Variants in DOCK9 observed in about 807,000 individuals in gnomAD.
DOCK9 encodes the protein dedicator of cytokinesis protein 9.
In DOCK9, 89 loss-of-function variants were observed where a neutral mutation model predicts 263.3. The observed-to-expected ratio is 0.34, with a 90% confidence interval of 0.28 to 0.40. The LOEUF (loss-of-function observed/expected upper bound fraction) is 0.40. Among genes scored for constraint, DOCK9 ranks in the 10% least tolerant of loss-of-function variants. The pLI, the probability that DOCK9 is intolerant of heterozygous loss-of-function variation, is 1.00. For missense variants in DOCK9, 2,140 were observed against 2,603.4 expected (o/e 0.82, Z 3.87); for synonymous variants, 976 against 973.1 (o/e 1.00, Z -0.06).
chr13:99,008,212 CTATATA>C (rs1161970142), intron 1 of DOCK9, among the ~76,000 whole-genome samples: 5 of 79,166 alleles, frequency 6.3e-5, no homozygotes, highest in South Asian at 9.7e-4. Flanking sequence ...CTCTCTCTCT[CTATATA>C]TATATATATA....
At chr13:98,848,464 C>T in intron 37 of DOCK9, 128 bp downstream of exon 37, 1 of 914,438 alleles carries the variant, frequency 1.1e-6, no homozygotes. Context: ...ATCCAAGGGC[C>T]TGCCATCAGT....
intron 1 of DOCK9, among the ~76,000 whole-genome samples, chr13:99,044,768 C>T (rs1476439981): frequency 6.6e-6 from 1 of 152,188 alleles, no homozygotes; most frequent in Admixed American, 6.5e-5. Context: ...AACTATAATA[C>T]AGTGCTTAAA....
Position 99,034,647 on chromosome 13 carries a change from G to A in DOCK9, c.129+51576C>T, listed in dbSNP as rs140893932. Among the ~76,000 whole-genome samples, 46 of 152,312 alleles carry A rather than the reference G, an allele frequency of 3.0e-4. 1 individual carries two copies. In the East Asian group the frequency reaches 7.7e-3, roughly 26 times the overall value. ...TTCCTGAAACACCGCAGCACTCAACGAACAGCAGAGACAGATAGGTGGACC... is the reference window on the plus strand; with the variant it reads ...TTCCTGAAACACCGCAGCACTCAACAAACAGCAGAGACAGATAGGTGGACC... On this transcript the variant is annotated intron_variant, in intron 1 of 32. Coordinates refer to the DOCK9 transcript ENST00000427887.
chr13:98,915,325 C>T lies in DOCK9; in HGVS notation c.892+4G>A, dbSNP rs1279305155. 6.2e-7 allele frequency: 1 copy of T among 1,612,752 alleles called. No individual in the cohort carries two copies. On this transcript the variant is annotated splice_donor_region_variant and intron_variant, in intron 8 of 52. Coordinates refer to ENST00000682017, the MANE Select transcript of DOCK9 (RefSeq NM_001366683.2). ...TGTGCCTGGGGGAAGCCAAGCCTAT[C>T]TACCTTCGTGAGAGTCGCCATTTCG...
At chr13:99,044,463 A>G (rs952712635) in intron 1 of DOCK9, among the ~76,000 whole-genome samples, 11 of 152,164 alleles carry the variant, frequency 7.2e-5, no homozygotes, top group African/African-American at 1.9e-4. Context: ...GATGTCTGCC[A>G]CCTGGCTGAG....
In DOCK9 at chr13:98,881,611, C is replaced by G. The variant is rs1325680950; in HGVS notation, c.2692G>C (p.Val898Leu). ...VNVTRVIIHVVAQCHEEGLES... is the reference protein window; with the variant it reads ...VNVTRVIIHVLAQCHEEGLES... Reference sequence around the variant, plus strand: ...AATCCTTCCTCATGGCACTGGGCAACCACATGAATAATGACCCTACACACC... The same window carrying G: ...AATCCTTCCTCATGGCACTGGGCAAGCACATGAATAATGACCCTACACACC... Residue 898 changes from valine (V) to leucine (L), a missense_variant, in exon 25 of 53, where the codon GTT (valine) becomes CTT (leucine). By Grantham distance (32) the Val-to-Leu change is conservative. This residue lies in a region of DOCK9 where 1,521 missense variants were observed against 1,741.7 expected (regional missense o/e 0.87). Transcript: ENST00000682017. 2 of 1,608,838 alleles carry G rather than the reference C, an allele frequency of 1.2e-6. No homozygotes were observed. Among genetic ancestry groups the G allele is most frequent in the Non-Finnish European group, 1.7e-6 (2 of 1,177,788 alleles).
At position 98,940,896 on chromosome 13, in the gene DOCK9, T is replaced by C. The variant is rs373677728; in HGVS notation, c.244-10639A>G. ...CACACCTGCCATTTGTCTTTCTAAA[T>C]CTCTCATCTGATAGCATCATGCCTC... On this transcript the variant is annotated intron_variant, in intron 2 of 52. Coordinates refer to ENST00000682017, the MANE Select transcript of DOCK9 (RefSeq NM_001366683.2). Among the ~76,000 whole-genome samples, 29 of 152,262 alleles carry C rather than the reference T, an allele frequency of 1.9e-4. No homozygotes were observed. The South Asian group carries it at 5.6e-3, about 29-fold the overall frequency.
rs1374049208 is a variant in DOCK9 at position 98,809,425 on chromosome 13, C to T, written c.5294G>A (p.Ser1765Asn). The T allele has an allele frequency of 6.2e-7, 1 of 1,613,130 alleles. No homozygotes were observed. Among genetic ancestry groups the T allele is most frequent in the East Asian group, 2.2e-5 (1 of 44,882 alleles). ...CGAGTGCATGACCTCGGTCACTTTG[C>T]TGTAGGCCCGGTGCAGCGTGTCATA... ...HLYDTLHRAYSKVTEVMHSGR... is the reference protein window; with the variant it reads ...HLYDTLHRAYNKVTEVMHSGR... The change falls in exon 47 of 53, where the codon AGC becomes AAC. Residue 1765 changes from serine to asparagine, a missense_variant. Ser to Asn is a conservative substitution (Grantham distance 46). Around this residue, in one of 2 missense-constraint regions of DOCK9, gnomAD observed 619 missense variants for 861.8 expected, o/e 0.72. Transcript: ENST00000682017.
At chr13:98,953,623 AT>A (rs1186264730) in intron 2 of DOCK9, among the ~76,000 whole-genome samples, 1 of 152,252 alleles carries the variant, frequency 6.6e-6, no homozygotes, top group Non-Finnish European at 1.5e-5. Context: ...GAAATTTGAG[AT>A]AACCTTTAGC....
intron 10 of DOCK9, among the ~76,000 whole-genome samples, 156 bp from the exon 11 acceptor site, chr13:98,903,268 T>C (rs1390004064): frequency 6.6e-6 from 1 of 152,216 alleles, no homozygotes; most frequent in Non-Finnish European, 1.5e-5. Context: ...TTCTATGGTT[T>C]ATAGTAGTTA....
At chr13:98,881,161 T>C (rs931828306) in intron 25 of DOCK9, among the ~76,000 whole-genome samples, 2 of 152,166 alleles carry the variant, frequency 1.3e-5, no homozygotes, top group African/African-American at 4.8e-5. Flanking sequence ...AGTCATCTAA[T>C]TTGACTGTAG....
chr13:98,967,765 C>T (rs1377419810), intron 1 of DOCK9, among the ~76,000 whole-genome samples: 1 of 152,158 alleles, frequency 6.6e-6, no homozygotes, highest in Non-Finnish European at 1.5e-5. Flanking sequence ...AGAGTCCCTT[C>T]CAGGAAAATA....
chr13:98,944,072 G>A (rs2056356837), intron 2 of DOCK9, among the ~76,000 whole-genome samples: 1 of 152,086 alleles, frequency 6.6e-6, no homozygotes, highest in Non-Finnish European at 1.5e-5. Context: ...TCCACCAATT[G>A]TAGAATTTTA....
intron 1 of DOCK9, among the ~76,000 whole-genome samples, chr13:99,017,987 T>C (rs931163258): frequency 6.6e-6 from 1 of 152,186 alleles, no homozygotes; most frequent in African/African-American, 2.4e-5. Flanking sequence ...ATACCTTAAA[T>C]TTATACAATT....
At chr13:98,943,072 T>C (rs1026449287) in intron 2 of DOCK9, among the ~76,000 whole-genome samples, 20 of 152,214 alleles carry the variant, frequency 1.3e-4, no homozygotes, top group Non-Finnish European at 7.3e-5. Flanking sequence ...AGGTTTCACT[T>C]ATGCACTGAG....
intron 2 of DOCK9, among the ~76,000 whole-genome samples, chr13:98,938,771 C>T (rs1232592107): frequency 1.3e-5 from 2 of 152,104 alleles, no homozygotes; most frequent in Non-Finnish European, 2.9e-5. Flanking sequence ...CTCTTAATTC[C>T]TGGTGGGAAG....
intron 1 of DOCK9, among the ~76,000 whole-genome samples, chr13:99,068,787 A>G (rs1186606258): frequency 1.3e-5 from 2 of 152,288 alleles, no homozygotes; most frequent in East Asian, 1.9e-4. Flanking sequence ...AACACAGTAA[A>G]AGCCTGGGAA....
chr13:99,004,645 G>C (rs889072941), intron 1 of DOCK9, among the ~76,000 whole-genome samples: 4 of 152,154 alleles, frequency 2.6e-5, no homozygotes, highest in African/African-American at 9.7e-5. Context: ...CCTAGGATAT[G>C]TGTTTTTCCT....
intron 1 of DOCK9, among the ~76,000 whole-genome samples, chr13:98,963,439 T>C (rs747729894): frequency 1.3e-5 from 2 of 152,170 alleles, no homozygotes; most frequent in African/African-American, 2.4e-5. Flanking sequence ...GTACAAAACC[T>C]CGAAAACCAT....
Sources: gnomAD v4.1 joint callset for allele counts (sites outside exome capture counted in the v4.1 genomes callset) on GRCh38, gnomAD v4.1.1 for gene constraint, gnomAD v4.1.1 regional missense constraint, MANE v1.5 for transcripts, NCBI Gene and HGNC (gene_info 2026-07-23, HGNC 2026-07-21) for gene names.